The following CSF1R variants were observed in gnomAD, a reference collection of about 807,000 sequenced individuals.
The protein encoded by CSF1R is macrophage colony-stimulating factor 1 receptor.
CSF1R carries 40 observed loss-of-function variants against 110.0 expected under a neutral mutation model. The observed-to-expected ratio is 0.36, with a 90% CI of 0.28 to 0.47. The LOEUF (loss-of-function observed/expected upper bound fraction) is 0.47. Among genes scored for constraint, CSF1R ranks in the 20% least tolerant of loss-of-function variants. The pLI is 0.99. For missense variants in CSF1R, 1,052 were observed against 1,253.0 expected (o/e 0.84, Z 2.42); for synonymous variants, 523 against 503.4 (o/e 1.04, Z -0.52).
At chr5:150,056,426 G>T (rs776915131) in intron 16 of CSF1R, 85 bp from the exon 17 acceptor site, 1 of 1,550,382 alleles carries the variant, frequency 6.5e-7, no homozygotes, top group Non-Finnish European at 8.8e-7. Flanking sequence ...GGCCCCACAT[G>T]GCTTTGGAGT....
rs200924654 is a variant in CSF1R at position 150,055,231 on chromosome 5, G to A, written c.2654+6C>T. On this transcript the variant is annotated splice_donor_region_variant and intron_variant, in intron 19 of 20. Transcript: ENST00000675795. ...CCTTTTCCCTCCCTGGGATCCCTTCGCTTACATATTCTTTGGGGCAAATGC... is the reference window on the plus strand; with the variant it reads ...CCTTTTCCCTCCCTGGGATCCCTTCACTTACATATTCTTTGGGGCAAATGC... 82 of 1,612,992 alleles carry A rather than the reference G, an allele frequency of 5.1e-5. 1 individual carries two copies. The highest frequency in any genetic ancestry group is 4.0e-4 in the South Asian group (36 of 91,048).
intron 1 of CSF1R, among the ~76,000 whole-genome samples, chr5:150,093,091 T>C (rs929524973): frequency 6.6e-6 from 1 of 152,154 alleles, no homozygotes; most frequent in African/African-American, 2.4e-5. Flanking sequence ...TTCTTGTTTG[T>C]TTTTTGAGAT....
At position 150,068,253 on chromosome 5, in the gene CSF1R, G is replaced by A. The variant is rs1486149647; in HGVS notation, c.1588C>T (p.Leu530=). The change falls in exon 10 of 21, where the codon CTG becomes TTG. Residue 530 remains leucine (L), a synonymous_variant. Coordinates refer to ENST00000675795, the MANE Select transcript of CSF1R (RefSeq NM_001288705.3). ...TACAATAGCAGCAGGAGCAGCAGCA[G>A]CAGCAAGGCCATGATGGACATGCAG... ...VACMSIMALL[L]LLLLLLLYKY... is the part of the protein sequence containing the mutation. 1.9e-6 allele frequency: 3 copies of A among 1,612,550 alleles called. No individual in the cohort carries two copies. Among genetic ancestry groups the A allele is most frequent in the African/African-American group, 1.3e-5 (1 of 74,928 alleles).
chr5:150,091,784 A>C (rs1759047524), intron 1 of CSF1R, among the ~76,000 whole-genome samples: 2 of 151,344 alleles, frequency 1.3e-5, no homozygotes, highest in Admixed American at 1.3e-4. Flanking sequence ...TCAAAAAAAG[A>C]GAAGGGATAA....
chr5:150,087,373 T>G (rs1422467071), upstream of CSF1R, among the ~76,000 whole-genome samples: 1 of 152,240 alleles, frequency 6.6e-6, no homozygotes, highest in Non-Finnish European at 1.5e-5. Context: ...TTACATTCAC[T>G]GTCTCCTTTA....
chr5:150,055,054 G>A (rs1193898620), intron 19 of CSF1R, among the ~76,000 whole-genome samples, 183 bp downstream of exon 19: 2 of 150,904 alleles, frequency 1.3e-5, no homozygotes, highest in Non-Finnish European at 2.9e-5. Context: ...GTGAACAGCT[G>A]CTTCTCTGAG....
chr5:150,061,411 G>T, intron 12 of CSF1R, 80 bp downstream of exon 12: 1 of 1,210,488 alleles, frequency 8.3e-7, no homozygotes, highest in Non-Finnish European at 1.2e-6. Context: ...TGTGTGTGAT[G>T]CCTCTTGTGA....
rs1300965018 is a variant in CSF1R, at chr5:150,056,270, G to A, written c.2391C>T (p.Phe797=). The A allele has an allele frequency of 3.7e-6, 6 of 1,614,014 alleles. No individual in the cohort carries two copies. Among genetic ancestry groups the A allele is most frequent in the South Asian group, 1.1e-5 (1 of 91,080 alleles). Residue 797 remains phenylalanine, a synonymous_variant, in exon 17 of 21, where the codon TTC becomes TTT. Coordinates refer to ENST00000675795, the MANE Select transcript of CSF1R (RefSeq NM_001288705.3). The part of the protein sequence containing the change: ...TNGHVAKIGD[F]GLARDIMNDS... ...CATTCATGATGTCCCTAGCCAGCCC[G>A]AAGTCCCCAATCTTGGCCACATGAC...
chr5:150,090,130 A>G (rs567721081), upstream of CSF1R, among the ~76,000 whole-genome samples: 3 of 152,336 alleles, frequency 2.0e-5, no homozygotes, highest in South Asian at 6.2e-4. Context: ...ATGATTTCTC[A>G]GATATGTTTC....
intron 1 of CSF1R, among the ~76,000 whole-genome samples, chr5:150,110,329 T>C (rs1265072835): frequency 6.6e-6 from 1 of 152,250 alleles, no homozygotes; most frequent in Non-Finnish European, 1.5e-5. Flanking sequence ...TGTCAAGGTG[T>C]GCTCTCGCCA....
At chr5:150,109,484 T>C (rs1169572694) in intron 1 of CSF1R, among the ~76,000 whole-genome samples, 1 of 152,206 alleles carries the variant, frequency 6.6e-6, no homozygotes, top group East Asian at 1.9e-4. Context: ...CCTTGCCAAG[T>C]CCTCTGGGTG....
chr5:150,108,324 C>G (rs891625488), intron 1 of CSF1R, among the ~76,000 whole-genome samples: 5 of 152,042 alleles, frequency 3.3e-5, no homozygotes, highest in African/African-American at 1.2e-4. Context: ...CTATAAAAGA[C>G]TGGGCATTCT....
intron 1 of CSF1R, among the ~76,000 whole-genome samples, chr5:150,112,895 G>A (rs139765351): frequency 1.6e-3 from 236 of 152,218 alleles, no homozygotes; most frequent in African/African-American, 5.3e-3. Context: ...GGTCCTTCCC[G>A]CACCCACTCA....
At chr5:150,092,765 C>T (rs1759087976) in intron 1 of CSF1R, among the ~76,000 whole-genome samples, 1 of 152,170 alleles carries the variant, frequency 6.6e-6, no homozygotes, top group South Asian at 2.1e-4. Flanking sequence ...GGAATTATTA[C>T]AATTCAAGGT....
intron 1 of CSF1R, among the ~76,000 whole-genome samples, chr5:150,111,046 A>T (rs971022579): frequency 6.6e-6 from 1 of 152,216 alleles, no homozygotes; most frequent in East Asian, 1.9e-4. Context: ...AACAAAAGGC[A>T]TATTCAAAGA....
At position 150,053,437 on chromosome 5, in the gene CSF1R, T is replaced by G. The variant is rs1229886504; in HGVS notation, c.*632A>C. 1 of 234,544 alleles carries G rather than the reference T, an allele frequency of 4.3e-6. No homozygotes were observed. The highest frequency in any genetic ancestry group is 1.8e-4 in the South Asian group (1 of 5,600). The allele number at this position is 234,544 out of a possible 1,614,324, so 14.5% of individuals were successfully genotyped here. On this transcript the variant is annotated 3_prime_UTR_variant, in exon 21 of 21. Transcript: ENST00000675795. ...AGGTCCCCTGCCTTCTAGCCCAGAATGACGGGACTGGGCAGAACACCCCCA... is the reference window on the plus strand; with the variant it reads ...AGGTCCCCTGCCTTCTAGCCCAGAAGGACGGGACTGGGCAGAACACCCCCA...
chr5:150,101,082 A>AG (rs914439809), intron 1 of CSF1R, among the ~76,000 whole-genome samples: 3 of 152,014 alleles, frequency 2.0e-5, no homozygotes, highest in African/African-American at 7.3e-5. Context: ...AAAAAAAAAA[A>AG]AAGGTGATAC....
In CSF1R at chr5:150,061,398, A is replaced by C; in HGVS notation, c.1858+93T>G. The stretch of plus-strand genomic sequence containing the variant: ...CTGTCCCCCAGGCTTCAACAGGTTG[A>C]AATGTGTGTGATGCCTCTTGTGACA... On this transcript the variant is annotated intron_variant, in intron 12 of 20. Transcript: ENST00000675795. The C allele has an allele frequency of 5.3e-6, 6 of 1,136,322 alleles. No homozygotes were observed. In the South Asian group the frequency reaches 8.8e-5, roughly 17 times the overall value. The allele number at this position is 1,136,322 out of a possible 1,614,324, so 70.4% of individuals were successfully genotyped here.
Position 150,084,569 on chromosome 5 carries a change from C to T in CSF1R, c.49+1810G>A, listed in dbSNP as rs181462689. On this transcript the variant is annotated intron_variant, in intron 1 of 20. Coordinates refer to ENST00000675795, the MANE Select transcript of CSF1R (RefSeq NM_001288705.3). ...CCGGGTTCAAGTGATTCTCCCACCT[C>T]AGCCTCCTGAGTAGCTGGAACTACA... Among the ~76,000 whole-genome samples, 1,286 of 151,730 alleles carry T rather than the reference C, an allele frequency of 8.5e-3. 11 individuals are homozygous for T. Among genetic ancestry groups the T allele is most frequent in the Non-Finnish European group, 0.014 (923 of 67,878 alleles).
Sources: gnomAD v4.1 joint callset for allele counts (sites outside exome capture counted in the v4.1 genomes callset) on GRCh38, gnomAD v4.1.1 for gene constraint, MANE v1.5 for transcripts, NCBI Gene and HGNC (gene_info 2026-07-23, HGNC 2026-07-21) for gene names.